Variants in RAB11FIP4 observed in about 807,000 individuals in gnomAD.
The protein encoded by RAB11FIP4 is RAB11 family interacting protein 4.
Under a neutral mutation model 74.3 loss-of-function variants are expected in RAB11FIP4, and 23 were observed. That is an observed-to-expected ratio of 0.31 (90% CI 0.22 to 0.44). RAB11FIP4 has a LOEUF of 0.44. RAB11FIP4 is among the 20% of genes least tolerant of loss of function. RAB11FIP4 has a pLI of 1.00. For missense variants in RAB11FIP4, 630 were observed against 863.9 expected (o/e 0.73, Z 3.39); for synonymous variants, 360 against 359.9 (o/e 1.00, Z 0.00).
chr17:31,460,295 C>T (rs542590140), intron 3 of RAB11FIP4, among the ~76,000 whole-genome samples: 36 of 152,288 alleles, frequency 2.4e-4, no homozygotes, highest in African/African-American at 3.6e-4. Flanking sequence ...CAGTGTCTGC[C>T]GTCCCTGGGA....
intron 3 of RAB11FIP4, among the ~76,000 whole-genome samples, chr17:31,440,862 C>A (rs559111008): frequency 2.6e-5 from 4 of 152,170 alleles, no homozygotes; most frequent in Non-Finnish European, 5.9e-5. Flanking sequence ...AGCTCTATTG[C>A]AAATCCTGTA....
rs2301684 is a variant in RAB11FIP4, at chr17:31,521,432, G to A, written c.758+72G>A. 6 of 1,358,624 alleles carry A rather than the reference G, an allele frequency of 4.4e-6. No homozygotes were observed. The African/African-American group carries it at 7.8e-5, about 18-fold the overall frequency. The allele number at this position is 1,358,624 out of a possible 1,614,324, so 84.2% of individuals were successfully genotyped here. ...GCAATTTAAGCACATCCTAGGGGGT[G>A]GGGGGGTGCGAGTCCTGAGCTGGCC... is the stretch of plus-strand genomic sequence containing the variant. On this transcript the variant is annotated intron_variant, in intron 5 of 14. Transcript: ENST00000621161.
At chr17:31,452,011 A>G (rs2071531795) in intron 3 of RAB11FIP4, among the ~76,000 whole-genome samples, 1 of 152,054 alleles carries the variant, frequency 6.6e-6, no homozygotes, top group Non-Finnish European at 1.5e-5. Context: ...ATTACCTCAA[A>G]CCTTTGTCTT....
chr17:31,471,161 C>T (rs576870045), intron 3 of RAB11FIP4, among the ~76,000 whole-genome samples: 2 of 151,416 alleles, frequency 1.3e-5, no homozygotes, highest in South Asian at 4.2e-4. Flanking sequence ...CTCCTGACCT[C>T]AAACGATCCT....
chr17:31,495,301 G>A (rs1304671229), intron 3 of RAB11FIP4, among the ~76,000 whole-genome samples: 1 of 151,836 alleles, frequency 6.6e-6, no homozygotes, highest in Non-Finnish European at 1.5e-5. Flanking sequence ...GCTCCACTCA[G>A]GCGAAGCTGG....
intron 3 of RAB11FIP4, among the ~76,000 whole-genome samples, chr17:31,466,692 C>G (rs1356631561): frequency 6.6e-6 from 1 of 152,156 alleles, no homozygotes; most frequent in African/African-American, 2.4e-5. Flanking sequence ...TGCACTCCCC[C>G]ATTCACTCAT....
intron 3 of RAB11FIP4, among the ~76,000 whole-genome samples, chr17:31,445,558 ATATATATATATATATATATATTTT>A (rs1567658239): frequency 0.017 from 236 of 13,754 alleles, 8 homozygotes; most frequent in South Asian, 0.14. Context: ...ATATATATAT[ATATATATATATATATATATATTTT>A]TTTTTTTTTT....
rs2072989598 is a variant in RAB11FIP4, at chr17:31,537,680, C to G, written c.*5948C>G. On this transcript the variant is annotated 3_prime_UTR_variant, in exon 15 of 15. Coordinates refer to ENST00000621161, the MANE Select transcript of RAB11FIP4 (RefSeq NM_032932.6). ...CCACCACATCTGGTGTCTAGAACAG[C>G]TGCGGGCCCCACTTGGGCAGAAGGA... is the stretch of plus-strand genomic sequence containing the variant. The G allele has an allele frequency of 6.5e-6, 1 of 154,526 alleles. No homozygotes were observed. Among genetic ancestry groups the G allele is most frequent in the South Asian group, 2.1e-4 (1 of 4,852 alleles). The allele number at this position is 154,526 out of a possible 1,614,324, so 9.6% of individuals were successfully genotyped here. A position where few individuals can be genotyped will look rare whatever the true frequency, so the allele number is the denominator to read the frequency against.
At position 31,521,269 on chromosome 17, in the gene RAB11FIP4, G is replaced by A. The variant is rs913572624; in HGVS notation, c.667G>A (p.Asp223Asn). ...EEQFEDYGEGDDVDCAPSSPC... is the reference protein window; with the variant it reads ...EEQFEDYGEGNDVDCAPSSPC... ...GCAGTTTGAAGACTATGGGGAGGGT[G>A]ACGATGTGGACTGTGCCCCCAGCAG... is the stretch of plus-strand genomic sequence containing the variant. The change falls in exon 5 of 15, where the codon GAC (aspartate) becomes AAC (asparagine). Residue 223 changes from aspartate (D) to asparagine (N), a missense_variant. Coordinates refer to ENST00000621161, the MANE Select transcript of RAB11FIP4 (RefSeq NM_032932.6). The A allele has an allele frequency of 8.7e-6, 14 of 1,613,976 alleles. No individual in the cohort carries two copies. Among genetic ancestry groups the A allele is most frequent in the Non-Finnish European group, 1.1e-5 (13 of 1,179,984 alleles).
At chr17:31,420,433 A>G (rs60864199) in intron 1 of RAB11FIP4, among the ~76,000 whole-genome samples, 13,832 of 150,950 alleles carry the variant, frequency 0.092, 1,051 homozygotes, top group East Asian at 0.31. Context: ...GGGTCTTGCT[A>G]TGTTGCCCAG....
At position 31,394,948 on chromosome 17, in the gene RAB11FIP4, G is replaced by GT. The variant is rs796635649; in HGVS notation, c.159+2937_159+2938insT. Among the ~76,000 whole-genome samples, 620 of 131,598 alleles carry GT rather than the reference G, an allele frequency of 4.7e-3. 12 individuals are homozygous for GT. The highest frequency in any genetic ancestry group is 0.017 in the African/African-American group (595 of 35,302). The allele number at this position is 131,598 out of a possible 152,430, so 86.3% of individuals were successfully genotyped here. On this transcript the variant is annotated intron_variant, in intron 1 of 14. Coordinates refer to ENST00000621161, the MANE Select transcript of RAB11FIP4 (RefSeq NM_032932.6). ...TGGGGTGGCGGGGGGCGGGGGGGGG[G>GT]GGCTCCCTTACGAAATGCAGTGTAC...
chr17:31,521,656 C>G (rs1233226262), intron 5 of RAB11FIP4, among the ~76,000 whole-genome samples: 1 of 152,134 alleles, frequency 6.6e-6, no homozygotes, highest in Non-Finnish European at 1.5e-5. Context: ...CCTGTGATCC[C>G]TTCTCACCCA....
intron 3 of RAB11FIP4, among the ~76,000 whole-genome samples, chr17:31,513,439 TCC>T (rs2072489225): frequency 6.6e-6 from 1 of 151,940 alleles, no homozygotes; most frequent in South Asian, 2.1e-4. Context: ...TTCCAGCATC[TCC>T]CCTCCAGGCC....
At chr17:31,514,083 G>C (rs1328195090) in intron 3 of RAB11FIP4, among the ~76,000 whole-genome samples, 1 of 152,258 alleles carries the variant, frequency 6.6e-6, no homozygotes, top group Non-Finnish European at 1.5e-5. Flanking sequence ...AAGCCTGCCC[G>C]AGGAGGTGGT....
chr17:31,422,887 T>A (rs2071212808), intron 1 of RAB11FIP4, among the ~76,000 whole-genome samples: 1 of 151,902 alleles, frequency 6.6e-6, no homozygotes, highest in African/African-American at 2.4e-5. Context: ...ATCTGGGTCA[T>A]CTTAGCATTG....
At chr17:31,433,702 G>A (rs770375883) in intron 2 of RAB11FIP4, among the ~76,000 whole-genome samples, 1 of 152,204 alleles carries the variant, frequency 6.6e-6, no homozygotes, top group Admixed American at 6.5e-5. Flanking sequence ...TGGCACAGTC[G>A]TTTGGAGTCC....
chr17:31,499,295 C>G (rs1175421742), intron 3 of RAB11FIP4, among the ~76,000 whole-genome samples: 2 of 152,170 alleles, frequency 1.3e-5, no homozygotes, highest in Non-Finnish European at 2.9e-5. Flanking sequence ...CAGGATACTT[C>G]AGGGGAAAGT....
At chr17:31,405,146 C>G (rs1179841150) in intron 1 of RAB11FIP4, among the ~76,000 whole-genome samples, 1 of 151,968 alleles carries the variant, frequency 6.6e-6, no homozygotes, top group Non-Finnish European at 1.5e-5. Flanking sequence ...GGCTTCTGTC[C>G]CAGTTCAGGG....
At chr17:31,466,831 TG>T (rs1224866115) in intron 3 of RAB11FIP4, among the ~76,000 whole-genome samples, 1 of 152,196 alleles carries the variant, frequency 6.6e-6, no homozygotes, top group Non-Finnish European at 1.5e-5. Context: ...GAGTCCCTAA[TG>T]GGGACCCAGG....
Sources: allele counts gnomAD v4.1 joint callset (sites outside exome capture counted in the v4.1 genomes callset), GRCh38; gene constraint gnomAD v4.1.1; transcripts MANE v1.5; gene names NCBI Gene and HGNC (gene_info 2026-07-23, HGNC 2026-07-21).